Variants in FANCI observed in about 807,000 individuals in gnomAD.
The protein encoded by FANCI is Fanconi anemia group I protein.
FANCI carries 156 observed loss-of-function variants against 176.1 expected under a neutral mutation model. The ratio of observed to expected loss-of-function variants is 0.89; its 90% CI spans 0.78 to 1.01. The LOEUF is 1.01. Ranked by LOEUF, FANCI falls within the 50% of genes least tolerant of loss-of-function variation. The pLI is 0.00. For synonymous variants in FANCI, 613 were observed against 541.7 expected, an observed-to-expected ratio of 1.13 and a Z score of -1.83; for missense variants, 1,678 against 1,534.1, an observed-to-expected ratio of 1.09 and a Z score of -1.57.
intron 1 of FANCI, among the ~76,000 whole-genome samples, chr15:89,247,012 G>C (rs1162534851): frequency 6.6e-6 from 1 of 150,524 alleles, no homozygotes. Flanking sequence ...TTCGTGATCT[G>C]CCCTCCTCAG....
At position 89,294,274 on chromosome 15, in the gene FANCI, C is replaced by G. The variant is rs182490894; in HGVS notation, c.2456+277C>G. ...AGAAAATCTATGTAAGTAGCTTGTA[C>G]AAGATAACAGATATAAAAAGGTAGG... On this transcript the variant is annotated intron_variant, in intron 23 of 37. Coordinates refer to ENST00000310775, the MANE Select transcript of FANCI (RefSeq NM_001113378.2). Among the ~76,000 whole-genome samples the G allele has an allele frequency of 3.3e-5, 5 of 152,138 alleles. No homozygotes were observed. The East Asian group carries it at 5.8e-4, about 18-fold the overall frequency.
At position 89,264,584 on chromosome 15, in the gene FANCI, C is replaced by A. The variant is rs1380476137; in HGVS notation, c.732C>A (p.His244Gln). The A allele has an allele frequency of 6.2e-7, 1 of 1,613,552 alleles. No individual in the cohort carries two copies. Among genetic ancestry groups the A allele is most frequent in the South Asian group, 1.1e-5 (1 of 91,072 alleles). The change falls in exon 9 of 38, where the codon CAC becomes CAA. Residue 244 changes from histidine (H) to glutamine (Q), a missense_variant. Transcript: ENST00000310775. ...IAFFSALDKQ[H>Q]NEEQSGDELL... ...TCTTCAGTGCACTAGATAAGCAGCACAATGAGGAACAGAGTGGTGACGAGT... is the reference window on the plus strand; with the variant it reads ...TCTTCAGTGCACTAGATAAGCAGCAAAATGAGGAACAGAGTGGTGACGAGT...
intron 1 of FANCI, among the ~76,000 whole-genome samples, chr15:89,244,436 C>T (rs188124450): frequency 4.1e-4 from 63 of 152,356 alleles, no homozygotes; most frequent in African/African-American, 1.4e-3. Flanking sequence ...CGGCGTTTCC[C>T]GCCGGCGGGG....
chr15:89,247,419 T>A (rs2052037336), intron 1 of FANCI, among the ~76,000 whole-genome samples: 1 of 152,168 alleles, frequency 6.6e-6, no homozygotes, highest in African/African-American at 2.4e-5. Flanking sequence ...CCAGGGAATT[T>A]TCAGGATTAT....
At chr15:89,262,599 A>G (rs1364000061) in intron 6 of FANCI, among the ~76,000 whole-genome samples, 1 of 152,226 alleles carries the variant, frequency 6.6e-6, no homozygotes, top group Non-Finnish European at 1.5e-5. Flanking sequence ...AATACCCAAG[A>G]TTATCTAAAC....
At chr15:89,245,963 A>G (rs1317537213) in intron 1 of FANCI, 1 of 152,332 alleles carries the variant, frequency 6.6e-6, no homozygotes, top group East Asian at 1.9e-4. Flanking sequence ...GGAGATGGAG[A>G]AAAGTAGACA....
At chr15:89,261,960 G>A in intron 6 of FANCI, 82 bp downstream of exon 6, 1 of 1,304,504 alleles carries the variant, frequency 7.7e-7, no homozygotes, top group Admixed American at 1.8e-5. Flanking sequence ...ATTTATGTCT[G>A]GAGGTTTTAA....
chr15:89,268,571 GTGTT>G, intron 10 of FANCI, 46 bp downstream of exon 10: 1 of 1,611,694 alleles, frequency 6.2e-7, no homozygotes, highest in Non-Finnish European at 8.5e-7. Flanking sequence ...TTGAATGAAA[GTGTT>G]TGAACTTAAG....
In FANCI at chr15:89,306,182, C is replaced by A. The variant is rs114810692; in HGVS notation, c.3525C>A (p.Ala1175=). 1.1e-3 allele frequency: 1,815 copies of A among 1,614,122 alleles called. 9 individuals are homozygous for A. The African/African-American group carries it at 0.021, about 19-fold the overall frequency. The change falls in exon 32 of 38, where the codon GCC becomes GCA. Residue 1175 remains alanine (A), a synonymous_variant. Transcript: ENST00000310775. ...DLCKMYTTLT[A]LVRYYLQVCQ... ...GCAAAATGTACACCACACTTACAGC[C>A]CTTGTCAGATATGTGAGTATTTGAG...
intron 4 of FANCI, 93 bp downstream of exon 4, chr15:89,260,936 A>G (rs997654714): frequency 4.1e-6 from 6 of 1,473,250 alleles, no homozygotes; most frequent in Non-Finnish European, 5.7e-6. Context: ...CCAACCTAGC[A>G]TAGTCCTTAT....
At position 89,292,748 on chromosome 15, in the gene FANCI, T is replaced by C; in HGVS notation, c.2053T>C (p.Leu685=). The C allele has an allele frequency of 6.2e-7, 1 of 1,613,974 alleles. No individual in the cohort carries two copies. The highest frequency in any genetic ancestry group is 1.1e-5 in the South Asian group (1 of 91,076). Residue 685 remains leucine (L), a synonymous_variant, in exon 21 of 38, where the codon TTA becomes CTA. Coordinates refer to ENST00000310775, the MANE Select transcript of FANCI (RefSeq NM_001113378.2). The part of the protein sequence containing the change: ...LAWYKNTVIP[L]QQGEEEEEEE... ...CTGGTATAAGAATACAGTCATACCC[T>C]TACAGCAGGGAGAGGAGGAAGAGGA...
At position 89,276,765 on chromosome 15, in the gene FANCI, G is replaced by A; in HGVS notation, c.1167G>A (p.Leu389=). ...GCCTCGTAGAACTTGGTTTCATTTTGATGGATTCATATGGGCCAAAGAAGG... is the reference window on the plus strand; with the variant it reads ...GCCTCGTAGAACTTGGTTTCATTTTAATGGATTCATATGGGCCAAAGAAGG... ...TQGLVELGFI[L]MDSYGPKKVL... is the part of the protein sequence containing the mutation. Residue 389 remains leucine, a synonymous_variant, in exon 13 of 38, where the codon TTG becomes TTA. Transcript: ENST00000310775. 6.2e-7 allele frequency: 1 copy of A among 1,614,124 alleles called. No homozygotes were observed. The highest frequency in any genetic ancestry group is 8.5e-7 in the Non-Finnish European group (1 of 1,180,020).
intron 34 of FANCI, among the ~76,000 whole-genome samples, chr15:89,312,331 A>G (rs895441181): frequency 6.6e-6 from 1 of 152,230 alleles, no homozygotes; most frequent in African/African-American, 2.4e-5. Flanking sequence ...CCACTGCAGT[A>G]ATAGTCCTGC....
At chr15:89,291,578 G>T in intron 19 of FANCI, 35 bp from the exon 20 acceptor site, 1 of 1,549,686 alleles carries the variant, frequency 6.5e-7, no homozygotes, top group South Asian at 1.1e-5. Flanking sequence ...AAGCATTTAT[G>T]AGCCAAGATG....
intron 18 of FANCI, 37 bp downstream of exon 18, chr15:89,285,255 C>G: frequency 6.2e-7 from 1 of 1,611,422 alleles, no homozygotes. Context: ...AGCAAAACCC[C>G]AACTAATAAT....
chr15:89,282,522 T>A (rs2053653666), intron 16 of FANCI: 1 of 163,424 alleles, frequency 6.1e-6, no homozygotes, highest in Admixed American at 5.6e-5. Context: ...CCAATTAATA[T>A]CACATTGGCC....
rs1307096937 is a variant in FANCI, at chr15:89,306,006, G to T, written c.3350-1G>T. ...AATGTGCCAATTTTATTTCCCTTTAGAAGAGGCCTCTTCTCAGGCAACCCT... is the reference window on the plus strand; with the variant it reads ...AATGTGCCAATTTTATTTCCCTTTATAAGAGGCCTCTTCTCAGGCAACCCT... On this transcript the variant is annotated splice_acceptor_variant, in intron 31 of 37. Transcript: ENST00000310775. LOFTEE classifies it high-confidence loss of function. 6.2e-7 allele frequency: 1 copy of T among 1,614,102 alleles called. No individual in the cohort carries two copies. Among genetic ancestry groups the T allele is most frequent in the South Asian group, 1.1e-5 (1 of 91,082 alleles).
chr15:89,299,198 T>A (rs35163846), intron 24 of FANCI, among the ~76,000 whole-genome samples: 16 of 150,570 alleles, frequency 1.1e-4, no homozygotes, highest in Admixed American at 1.1e-3. Context: ...TGAGTAATCT[T>A]ATCTCTATTC....
chr15:89,294,628 A>G (rs887988310), intron 23 of FANCI, among the ~76,000 whole-genome samples: 8 of 133,632 alleles, frequency 6.0e-5, no homozygotes, highest in African/African-American at 2.0e-4. Context: ...TAAAAATACA[A>G]AGGGACAAAA....
Sources: gnomAD v4.1 joint callset for allele counts (sites outside exome capture counted in the v4.1 genomes callset) on GRCh38, gnomAD v4.1.1 for gene constraint, MANE v1.5 for transcripts, NCBI Gene and HGNC (gene_info 2026-07-23, HGNC 2026-07-21) for gene names.